ARHGEF40: variants seen among roughly 807,000 people sequenced by gnomAD.
ARHGEF40 encodes the protein Rho guanine nucleotide exchange factor (GEF) 40.
In ARHGEF40, 98 loss-of-function variants were observed where a neutral mutation model predicts 165.9. The observed-to-expected ratio is 0.59, with a 90% CI of 0.50 to 0.70. ARHGEF40 has a LOEUF of 0.70. Ranked by LOEUF, ARHGEF40 falls within the 30% of genes least tolerant of loss-of-function variation. The pLI is 0.00. For synonymous variants in ARHGEF40, 792 were observed against 814.3 expected (o/e 0.97, Z 0.47); for missense variants, 1,815 against 1,968.0 (o/e 0.92, Z 1.47).
chr14:21,074,786 A>G lies in ARHGEF40; in HGVS notation c.1056A>G (p.Pro352=), dbSNP rs776964288. ...GEASGSCPLR[P]GELRGGGGGG... ...CCTCCGGATCTTGCCCCCTGAGGCC[A>G]GGGGAGCTTAGAGGAGGAGGAGGAG... is the stretch of plus-strand genomic sequence containing the variant. Residue 352 remains proline (P), a synonymous_variant, in exon 3 of 24, where the codon CCA becomes CCG. Coordinates refer to ENST00000298694, the MANE Select transcript of ARHGEF40 (RefSeq NM_018071.5). This position sits in a 1 kb window ranked among gnomAD's most constrained non-coding sequence, Gnocchi z 4.8. 1.9e-6 allele frequency: 3 copies of G among 1,609,304 alleles called. No individual in the cohort carries two copies. Among genetic ancestry groups the G allele is most frequent in the Non-Finnish European group, 2.5e-6 (3 of 1,178,154 alleles).
At position 21,072,753 on chromosome 14, in the gene ARHGEF40, C is replaced by T. The variant is rs1013175757; in HGVS notation, c.4-292C>T. ...AAAGATCTATGCAATCACCCCAACT[C>T]ACGAGCACCCGGAACAGCCCTGATC... On this transcript the variant is annotated intron_variant, in intron 1 of 23. Transcript: ENST00000298694. This position sits in a 1 kb window ranked among gnomAD's most constrained non-coding sequence, Gnocchi z 4.1. Among the ~76,000 whole-genome samples the T allele has an allele frequency of 6.6e-5, 10 of 152,166 alleles. No homozygotes were observed. The highest frequency in any genetic ancestry group is 2.4e-4 in the African/African-American group (10 of 41,432).
Position 21,081,584 on chromosome 14 carries a change from C to T in ARHGEF40, c.2716C>T (p.Leu906=). ...GGGTCGGGAGGCTGTGCTGGCTGCA[C>T]TGGCCCTGCGGCGGGCCCCAGAGCC... is the stretch of plus-strand genomic sequence containing the variant. ...GPGREAVLAA[L]ALRRAPEPSA... is the part of the protein sequence containing the mutation. The change falls in exon 14 of 24, where the codon CTG becomes TTG. Residue 906 remains leucine (L), a synonymous_variant. Transcript: ENST00000298694. The T allele has an allele frequency of 6.2e-7, 1 of 1,612,160 alleles. No homozygotes were observed. The highest frequency in any genetic ancestry group is 8.5e-7 in the Non-Finnish European group (1 of 1,179,654).
the ARHGEF40 span, among the ~76,000 whole-genome samples, chr14:21,063,232 A>G: frequency 2.0e-5 from 3 of 150,992 alleles, no homozygotes; most frequent in South Asian, 2.1e-4. Flanking sequence ...GTGTGTGTGT[A>G]TGTGTGTGTG....
rs779210069 is a variant in ARHGEF40 at position 21,082,358 on chromosome 14, C to T, written c.3366C>T (p.Thr1122=). ...AGCTGACGCCTGAACTTCGGGGCAC[C>T]TGGGCTGCTGCCCTGAGTGCCCGGG... The part of the protein sequence containing the change: ...GPELTPELRG[T]WAAALSARER... The change falls in exon 15 of 24, where the codon ACC becomes ACT. Residue 1122 remains threonine, a synonymous_variant. Coordinates refer to ENST00000298694, the MANE Select transcript of ARHGEF40 (RefSeq NM_018071.5). The T allele has an allele frequency of 1.9e-6, 3 of 1,611,832 alleles. No individual in the cohort carries two copies. Among genetic ancestry groups the T allele is most frequent in the Non-Finnish European group, 2.5e-6 (3 of 1,179,782 alleles).
At chr14:21,087,631 A>T in intron 21 of ARHGEF40, 168 bp downstream of exon 21, 1 of 967,252 alleles carries the variant, frequency 1.0e-6, no homozygotes, top group Non-Finnish European at 1.5e-6. Flanking sequence ...TGCTAGGGTG[A>T]TGCTTACAAC....
chr14:21,076,317 A>AAC (rs1491375040), intron 5 of ARHGEF40, 43 bp from the exon 6 acceptor site: 4 of 1,548,680 alleles, frequency 2.6e-6, no homozygotes, highest in African/African-American at 2.7e-5. Context: ...TATCCCCCAA[A>AAC]ACACACACAC....
the ARHGEF40 span, among the ~76,000 whole-genome samples, chr14:21,063,887 C>T: frequency 6.6e-6 from 1 of 152,176 alleles, no homozygotes; most frequent in Non-Finnish European, 1.5e-5. Flanking sequence ...ATGGAGATAG[C>T]TTGTCCCATT....
Position 21,087,303 on chromosome 14 carries a change from C to T in ARHGEF40, c.4244-17C>T. On this transcript the variant is annotated splice_polypyrimidine_tract_variant and intron_variant, in intron 20 of 23. Coordinates refer to ENST00000298694, the MANE Select transcript of ARHGEF40 (RefSeq NM_018071.5). ...TCCCACACCAGCACCCCACCCCCCA[C>T]TCCCCACTCTCTGCAGCCGCCCGCA... 1.2e-6 allele frequency: 2 copies of T among 1,602,212 alleles called. No homozygotes were observed. The highest frequency in any genetic ancestry group is 1.1e-5 in the South Asian group (1 of 90,908).
At chr14:21,062,039 G>A in the ARHGEF40 span, among the ~76,000 whole-genome samples, 7 of 152,088 alleles carry the variant, frequency 4.6e-5, no homozygotes, top group Admixed American at 2.0e-4. Context: ...TCAAATAGTC[G>A]GTGAATACAA....
chr14:21,088,116 G>A lies in ARHGEF40; in HGVS notation c.4518+18G>A, dbSNP rs187530855. On this transcript the variant is annotated intron_variant, in intron 22 of 23. Transcript: ENST00000298694. ...CCCGACAGGTAAGTTCCTACAACGAGGCTGGGAACAATGTGATCTCTTTGG... is the reference window on the plus strand; with the variant it reads ...CCCGACAGGTAAGTTCCTACAACGAAGCTGGGAACAATGTGATCTCTTTGG... The A allele has an allele frequency of 6.3e-7, 1 of 1,596,700 alleles. No individual in the cohort carries two copies. Among genetic ancestry groups the A allele is most frequent in the East Asian group, 2.3e-5 (1 of 44,298 alleles).
Position 21,087,312 on chromosome 14 carries a change from C to A in ARHGEF40, c.4244-8C>A, listed in dbSNP as rs756676717. 1 of 1,604,742 alleles carries A rather than the reference C, an allele frequency of 6.2e-7. No homozygotes were observed. The highest frequency in any genetic ancestry group is 1.1e-5 in the South Asian group (1 of 90,964). On this transcript the variant is annotated splice_region_variant and splice_polypyrimidine_tract_variant and intron_variant, in intron 20 of 23. Coordinates refer to ENST00000298694, the MANE Select transcript of ARHGEF40 (RefSeq NM_018071.5). ...AGCACCCCACCCCCCACTCCCCACT[C>A]TCTGCAGCCGCCCGCACCCGGGCCT...
chr14:21,078,092 T>C, intron 8 of ARHGEF40, 85 bp from the exon 9 acceptor site: 3 of 1,251,744 alleles, frequency 2.4e-6, no homozygotes, highest in Non-Finnish European at 3.3e-6. Flanking sequence ...CATAAAAGTC[T>C]CTGGGGCTAC....
chr14:21,071,808 T>A (rs1287266662), intron 1 of ARHGEF40, among the ~76,000 whole-genome samples: 1 of 152,146 alleles, frequency 6.6e-6, no homozygotes, highest in Admixed American at 6.5e-5. Flanking sequence ...GTCCGCCTGG[T>A]CCCGGGAACA....
At position 21,087,343 on chromosome 14, in the gene ARHGEF40, G is replaced by T; in HGVS notation, c.4267G>T (p.Ala1423Ser). ...AGCCGCCCGCACCCGGGCCTCCGTG[G>T]CCGTGTCATCCTTTGAGCATGCCGG... ...GRAARTRASVAVSSFEHAGPS... is the reference protein window; with the variant it reads ...GRAARTRASVSVSSFEHAGPS... The change falls in exon 21 of 24, where the codon GCC becomes TCC. Residue 1423 changes from alanine to serine, a missense_variant. Coordinates refer to ENST00000298694, the MANE Select transcript of ARHGEF40 (RefSeq NM_018071.5). 1 of 1,606,532 alleles carries T rather than the reference G, an allele frequency of 6.2e-7. No individual in the cohort carries two copies.
At chr14:21,085,573 G>A in intron 18 of ARHGEF40, 116 bp from the exon 19 acceptor site, 2 of 1,244,252 alleles carry the variant, frequency 1.6e-6, no homozygotes, top group Non-Finnish European at 2.2e-6. Flanking sequence ...GATAGGTGTT[G>A]AGCAAACGTT....
chr14:21,080,933 G>T lies in ARHGEF40; in HGVS notation c.2557G>T (p.Val853Leu), dbSNP rs762603979. The T allele has an allele frequency of 2.5e-6, 4 of 1,614,220 alleles. No individual in the cohort carries two copies. Among genetic ancestry groups the T allele is most frequent in the Non-Finnish European group, 1.7e-6 (2 of 1,180,028 alleles). The change falls in exon 13 of 24, where the codon GTG (valine) becomes TTG (leucine). Residue 853 changes from valine to leucine, a missense_variant. Val to Leu is a conservative substitution (Grantham distance 32). Coordinates refer to ENST00000298694, the MANE Select transcript of ARHGEF40 (RefSeq NM_018071.5). ...ALEENATSQK[V>L]LDIFEQRLEQ... The stretch of plus-strand genomic sequence containing the variant: ...GGAGGAGAATGCCACCTCCCAGAAG[G>T]TGCTGGATATCTTTGAACAGCGGCT...
Position 21,082,084 on chromosome 14 carries a change from A to T in ARHGEF40, c.3216A>T (p.Val1072=). The T allele has an allele frequency of 6.4e-7, 1 of 1,561,202 alleles. No homozygotes were observed. Among genetic ancestry groups the T allele is most frequent in the South Asian group, 1.2e-5 (1 of 85,052 alleles). ...RARGPDGPWG[V]GTPRMERKRS... is the part of the protein sequence containing the mutation. ...GGGGGCCAGACGGACCCTGGGGAGTAGGCACCCCCCGGATGGAGCGCAAGC... is the reference window on the plus strand; with the variant it reads ...GGGGGCCAGACGGACCCTGGGGAGTTGGCACCCCCCGGATGGAGCGCAAGC... The change falls in exon 14 of 24, where the codon GTA becomes GTT. Residue 1072 remains valine, a synonymous_variant. Coordinates refer to ENST00000298694, the MANE Select transcript of ARHGEF40 (RefSeq NM_018071.5).
chr14:21,080,886 A>T lies in ARHGEF40; in HGVS notation c.2510A>T (p.Gln837Leu). 1 of 1,613,926 alleles carries T rather than the reference A, an allele frequency of 6.2e-7. No individual in the cohort carries two copies. The highest frequency in any genetic ancestry group is 1.1e-5 in the South Asian group (1 of 91,078). ...TCCCTTCTCCAGGAGCGCCTGGCCCAGGCACGGGAGGCCCTGGCTCTGGAG... is the reference window on the plus strand; with the variant it reads ...TCCCTTCTCCAGGAGCGCCTGGCCCTGGCACGGGAGGCCCTGGCTCTGGAG... Reference protein sequence around the residue: ...FSAEVQERLAQAREALALEEN... With the variant: ...FSAEVQERLALAREALALEEN... Residue 837 changes from glutamine (Q) to leucine (L), a missense_variant, in exon 13 of 24, where the codon CAG becomes CTG. By Grantham distance (113) the Gln-to-Leu change is moderately radical (BLOSUM62 -2). Transcript: ENST00000298694.
Position 21,075,153 on chromosome 14 carries a change from G to T in ARHGEF40, c.1423G>T (p.Glu475Ter). The T allele has an allele frequency of 6.2e-7, 1 of 1,608,512 alleles. No individual in the cohort carries two copies. The highest frequency in any genetic ancestry group is 8.5e-7 in the Non-Finnish European group (1 of 1,178,012). ...AGAGGGGGCCGGAGAGAGAGAGCTGGAGGGGCCAGGCCTGCTGTGTATGGC... is the reference window on the plus strand; with the variant it reads ...AGAGGGGGCCGGAGAGAGAGAGCTGTAGGGGCCAGGCCTGCTGTGTATGGC... The part of the protein sequence containing the change: ...TEEGAGEREL[E>*]GPGLLCMAGH... Residue 475 changes from glutamate to a stop codon, truncating the protein, a stop_gained, in exon 3 of 24, where the codon GAG becomes TAG. Transcript: ENST00000298694. LOFTEE classifies it high-confidence loss of function. This position sits in a 1 kb window ranked among gnomAD's most constrained non-coding sequence, Gnocchi z 4.5.
Sources: allele counts gnomAD v4.1 joint callset (sites outside exome capture counted in the v4.1 genomes callset), GRCh38; gene constraint gnomAD v4.1.1; non-coding constraint Gnocchi (gnomAD v3.1); transcripts MANE v1.5; gene names NCBI Gene and HGNC (gene_info 2026-07-23, HGNC 2026-07-21).